Variants in STXBP6 observed in about 807,000 individuals in gnomAD.
The protein encoded by STXBP6 is syntaxin binding protein 6.
Under a neutral mutation model 26.9 loss-of-function variants are expected in STXBP6, and 21 were observed. The ratio of observed to expected loss-of-function variants is 0.78; its 90% CI spans 0.55 to 1.12. The LOEUF is 1.12. Ranked by LOEUF, STXBP6 falls within the 50% of genes most tolerant of loss-of-function variation. The pLI is 0.00. For missense variants in STXBP6, 232 were observed against 257.9 expected (o/e 0.90, Z 0.69); for synonymous variants, 97 against 92.6 (o/e 1.05, Z -0.27).
At chr14:24,830,097 G>A (rs1462413363) in intron 4 of STXBP6, among the ~76,000 whole-genome samples, 1 of 152,076 alleles carries the variant, frequency 6.6e-6, no homozygotes, top group African/African-American at 2.4e-5. Context: ...GTTCTAGAAA[G>A]TGAAAGACCA....
intron 1 of STXBP6, among the ~76,000 whole-genome samples, chr14:24,985,332 T>C (rs1395164425): frequency 6.6e-6 from 1 of 152,174 alleles, no homozygotes; most frequent in African/African-American, 2.4e-5. Context: ...AGACCTGCAG[T>C]TTGCAACAGG....
chr14:24,911,348 G>A (rs574428541), intron 2 of STXBP6, among the ~76,000 whole-genome samples: 227 of 149,408 alleles, frequency 1.5e-3, no homozygotes, highest in Admixed American at 2.7e-3. Flanking sequence ...AAGAAGGAAC[G>A]AAGGAAGGGA....
At chr14:25,028,810 G>A (rs2075397047) in intron 1 of STXBP6, among the ~76,000 whole-genome samples, 1 of 152,068 alleles carries the variant, frequency 6.6e-6, no homozygotes, top group African/African-American at 2.4e-5. Flanking sequence ...TTCATGGGGG[G>A]AGGTCAAAAT....
intron 1 of STXBP6, among the ~76,000 whole-genome samples, chr14:24,999,070 C>T (rs2074681121): frequency 6.6e-6 from 1 of 152,044 alleles, no homozygotes; most frequent in South Asian, 2.1e-4. Flanking sequence ...AAGTTATGGT[C>T]CAATAAACCA....
At chr14:24,884,769 T>TCA (rs2070506282) in intron 2 of STXBP6, among the ~76,000 whole-genome samples, 1 of 110,356 alleles carries the variant, frequency 9.1e-6, no homozygotes, top group Non-Finnish European at 1.9e-5. Context: ...TATTAATAAT[T>TCA]TATTATTTAT....
chr14:24,910,482 C>A (rs2071533680), intron 2 of STXBP6, among the ~76,000 whole-genome samples: 1 of 152,150 alleles, frequency 6.6e-6, no homozygotes, highest in South Asian at 2.1e-4. Context: ...ATGGAACACA[C>A]CACTTACATG....
chr14:25,041,742 C>A (rs942283871), intron 1 of STXBP6, among the ~76,000 whole-genome samples: 1 of 152,244 alleles, frequency 6.6e-6, no homozygotes, highest in Non-Finnish European at 1.5e-5. Context: ...TCCAGAAGCG[C>A]AGTGAGTCCC....
chr14:24,911,112 C>T (rs920186533), intron 2 of STXBP6, among the ~76,000 whole-genome samples: 4 of 152,010 alleles, frequency 2.6e-5, no homozygotes, highest in African/African-American at 9.7e-5. Context: ...ATCACTTGAG[C>T]CCAGGACTTT....
intron 4 of STXBP6, among the ~76,000 whole-genome samples, chr14:24,831,042 T>C (rs1323289393): frequency 1.3e-5 from 2 of 152,170 alleles, no homozygotes; most frequent in African/African-American, 4.8e-5. Context: ...CCCTACATTA[T>C]ACCATATACA....
At chr14:24,920,525 C>G (rs1436690854) in intron 2 of STXBP6, among the ~76,000 whole-genome samples, 1 of 152,036 alleles carries the variant, frequency 6.6e-6, no homozygotes, top group Non-Finnish European at 1.5e-5. Flanking sequence ...GAAGGAAACT[C>G]AAGGCTGAGT....
chr14:24,970,519 G>A (rs1019454498), intron 2 of STXBP6, among the ~76,000 whole-genome samples: 1 of 151,776 alleles, frequency 6.6e-6, no homozygotes, highest in African/African-American at 2.4e-5. Context: ...CACACAACAT[G>A]CTTTTGAGAT....
intron 1 of STXBP6, among the ~76,000 whole-genome samples, chr14:25,046,050 T>C (rs533790096): frequency 3.9e-5 from 6 of 152,296 alleles, no homozygotes; most frequent in African/African-American, 1.4e-4. Context: ...GCTCTAGGAA[T>C]GGGCCCTGAC....
chr14:24,833,020 A>T (rs983859871), intron 4 of STXBP6, among the ~76,000 whole-genome samples: 3 of 152,226 alleles, frequency 2.0e-5, no homozygotes, highest in African/African-American at 7.2e-5. Flanking sequence ...ACACTGTGTG[A>T]TAGAAATCTT....
chr14:24,977,859 A>G (rs2074090521), intron 1 of STXBP6, among the ~76,000 whole-genome samples: 1 of 152,166 alleles, frequency 6.6e-6, no homozygotes. Flanking sequence ...CCCTCCACCT[A>G]CAGATAAACA....
At chr14:24,891,993 C>G (rs552432912) in intron 2 of STXBP6, among the ~76,000 whole-genome samples, 9 of 152,198 alleles carry the variant, frequency 5.9e-5, no homozygotes, top group Middle Eastern at 3.2e-3. Flanking sequence ...TGGACCAGAT[C>G]AGGTTCCCTT....
At chr14:24,929,960 T>C (rs1289012629) in intron 2 of STXBP6, among the ~76,000 whole-genome samples, 1 of 152,212 alleles carries the variant, frequency 6.6e-6, no homozygotes, top group Non-Finnish European at 1.5e-5. Context: ...CACTTTGTTA[T>C]ATGCAAAAAA....
rs146108402 is a variant in STXBP6 at position 24,888,129 on chromosome 14, G to C, written c.155-30972C>G. 1.6e-4 allele frequency among the ~76,000 whole-genome samples: 25 copies of C among 152,306 alleles called. 1 individual carries two copies. The East Asian group carries it at 4.8e-3, about 29-fold the overall frequency. ...GGTCAAGACCATGGTCTGAACACATGCCTTTACTTGTGGTTTCTCTTAAAC... is the reference window on the plus strand; with the variant it reads ...GGTCAAGACCATGGTCTGAACACATCCCTTTACTTGTGGTTTCTCTTAAAC... On this transcript the variant is annotated intron_variant, in intron 2 of 5. Coordinates refer to ENST00000323944, the MANE Select transcript of STXBP6 (RefSeq NM_001394410.1).
chr14:24,813,875 C>G (rs143654497), intron 5 of STXBP6, among the ~76,000 whole-genome samples: 9 of 152,340 alleles, frequency 5.9e-5, no homozygotes, highest in African/African-American at 2.2e-4. Flanking sequence ...GGGCTGCCAT[C>G]TCAGCTAAGC....
intron 2 of STXBP6, among the ~76,000 whole-genome samples, chr14:24,857,586 T>C (rs915393542): frequency 1.3e-5 from 2 of 152,040 alleles, no homozygotes; most frequent in Non-Finnish European, 2.9e-5. Flanking sequence ...TTGGCTCCCC[T>C]AGAGAACTGC....
Sources: allele counts gnomAD v4.1 joint callset (sites outside exome capture counted in the v4.1 genomes callset), GRCh38; gene constraint gnomAD v4.1.1; transcripts MANE v1.5; gene names NCBI Gene and HGNC (gene_info 2026-07-23, HGNC 2026-07-21).